ALMS1: variants seen among roughly 807,000 people sequenced by gnomAD.
ALMS1 encodes the protein centrosome-associated protein ALMS1.
Under a neutral mutation model 352.2 loss-of-function variants are expected in ALMS1, and 271 were observed. That is an observed-to-expected ratio of 0.77 (90% confidence interval 0.70 to 0.85). The LOEUF is 0.85. Among genes scored for constraint, ALMS1 ranks in the 40% least tolerant of loss-of-function variants. ALMS1 has a pLI of 0.00. For missense variants in ALMS1, 5,445 were observed against 4,870.7 expected (o/e 1.12, Z -3.51); for synonymous variants, 1,865 against 1,761.2 (o/e 1.06, Z -1.48).
At chr2:73,598,000 C>G (rs962838137) in intron 16 of ALMS1, among the ~76,000 whole-genome samples, 3 of 152,158 alleles carry the variant, frequency 2.0e-5, no homozygotes, top group African/African-American at 7.2e-5. Flanking sequence ...GAAGGAATAG[C>G]CAGCACCAAA....
At chr2:73,520,464 G>T (rs1288142383) in intron 11 of ALMS1, among the ~76,000 whole-genome samples, 2 of 152,154 alleles carry the variant, frequency 1.3e-5, no homozygotes, top group Non-Finnish European at 2.9e-5. Flanking sequence ...AAACACAATA[G>T]CAGTTTATCT....
At chr2:73,552,684 G>A (rs776668335) in intron 13 of ALMS1, among the ~76,000 whole-genome samples, 9 of 152,186 alleles carry the variant, frequency 5.9e-5, no homozygotes, top group Non-Finnish European at 1.3e-4. Flanking sequence ...TTAGTCCTTA[G>A]TAGCCATTTC....
At chr2:73,607,855 G>A (rs1475184904) in intron 21 of ALMS1, among the ~76,000 whole-genome samples, 2 of 150,412 alleles carry the variant, frequency 1.3e-5, no homozygotes, top group African/African-American at 4.9e-5. Context: ...GTAGAGACGG[G>A]CTTTCACCAT....
chr2:73,448,601 G>A lies in ALMS1; in HGVS notation c.2074G>A (p.Ala692Thr). Residue 692 changes from alanine to threonine, a missense_variant, in exon 8 of 23, where the codon GCT (alanine) becomes ACT (threonine). Transcript: ENST00000613296. ...TLPDGHLTDQ[A>T]LKVSAVSGPA... is the part of the protein sequence containing the mutation. ...GCCAGATGGTCATCTAACTGATCAG[G>A]CTCTGAAAGTCTCAGCTGTGTCTGG... 6.2e-7 allele frequency: 1 copy of A among 1,613,300 alleles called. No homozygotes were observed. Among genetic ancestry groups the A allele is most frequent in the African/African-American group, 1.3e-5 (1 of 74,728 alleles).
intron 15 of ALMS1, among the ~76,000 whole-genome samples, chr2:73,565,413 A>G (rs1460200979): frequency 6.6e-6 from 1 of 152,214 alleles, no homozygotes; most frequent in African/African-American, 2.4e-5. Context: ...TAAAATAAAT[A>G]CCTATGAGTC....
rs1572933168 is a variant in ALMS1 at position 73,449,394 on chromosome 2, C to T, written c.2867C>T (p.Ser956Leu). Reference sequence around the variant, plus strand: ...CCAACAGTGTCCTCTAATTCTCACTCACATAGCGAGAAATCTAGTGTTTTC... The same window carrying T: ...CCAACAGTGTCCTCTAATTCTCACTTACATAGCGAGAAATCTAGTGTTTTC... ...GTPTVSSNSH[S>L]HSEKSSVFYQ... The change falls in exon 8 of 23, where the codon TCA (serine) becomes TTA (leucine). Residue 956 changes from serine (S) to leucine (L), a missense_variant. By Grantham distance (145) the Ser-to-Leu change is moderately radical. Transcript: ENST00000613296. 2 of 1,614,078 alleles carry T rather than the reference C, an allele frequency of 1.2e-6. No homozygotes were observed. Among genetic ancestry groups the T allele is most frequent in the Non-Finnish European group, 1.7e-6 (2 of 1,179,940 alleles).
intron 11 of ALMS1, among the ~76,000 whole-genome samples, chr2:73,522,095 C>T (rs886922964): frequency 3.3e-5 from 5 of 152,142 alleles, no homozygotes; most frequent in Admixed American, 2.0e-4. Flanking sequence ...ACTTCTTCCC[C>T]TAGACAGGCA....
At chr2:73,553,835 A>G (rs1448110367) in intron 13 of ALMS1, among the ~76,000 whole-genome samples, 2 of 152,170 alleles carry the variant, frequency 1.3e-5, no homozygotes, top group African/African-American at 4.8e-5. Flanking sequence ...AGATCTTAGT[A>G]TATAGTATAA....
chr2:73,506,102 G>A (rs886748787), intron 10 of ALMS1, among the ~76,000 whole-genome samples: 1 of 152,148 alleles, frequency 6.6e-6, no homozygotes, highest in Non-Finnish European at 1.5e-5. Flanking sequence ...GGTTGTAGAT[G>A]TGTGGTGTTA....
In ALMS1 at chr2:73,448,371, C is replaced by G. The variant is rs2103772444; in HGVS notation, c.1844C>G (p.Ser615Ter). 6.2e-7 allele frequency: 1 copy of G among 1,614,036 alleles called. No individual in the cohort carries two copies. The highest frequency in any genetic ancestry group is 1.7e-5 in the Admixed American group (1 of 60,024). The change falls in exon 8 of 23, where the codon TCA becomes TGA. Residue 615 changes from serine to a stop codon, truncating the protein, a stop_gained. Coordinates refer to ENST00000613296, the MANE Select transcript of ALMS1 (RefSeq NM_001378454.1). LOFTEE classifies it high-confidence loss of function. ...CTAGCTGACCAGACAACTGGCATGT[C>G]AACTCTAACCTCTACTTCCTACTCA... is the stretch of plus-strand genomic sequence containing the variant. Reference protein sequence around the residue: ...PGLADQTTGMSTLTSTSYSHR... With the variant: ...PGLADQTTGM
At chr2:73,434,377 T>C (rs1671567893) in intron 7 of ALMS1, among the ~76,000 whole-genome samples, 1 of 152,240 alleles carries the variant, frequency 6.6e-6, no homozygotes, top group African/African-American at 2.4e-5. Flanking sequence ...ACCCTTTGGT[T>C]ATTTAGGAAT....
chr2:73,565,265 C>T (rs1203470256), intron 15 of ALMS1, among the ~76,000 whole-genome samples: 1 of 151,532 alleles, frequency 6.6e-6, no homozygotes, highest in Non-Finnish European at 1.5e-5. Context: ...TTTGTGGTGC[C>T]AGAAAGTAAA....
intron 9 of ALMS1, among the ~76,000 whole-genome samples, chr2:73,461,885 C>T (rs537677559): frequency 0.034 from 5,205 of 151,642 alleles, 303 homozygotes; most frequent in African/African-American, 0.12. Context: ...TGAAATGAAG[C>T]GAGAAGGGAA....
At position 73,452,361 on chromosome 2, in the gene ALMS1, A is replaced by G; in HGVS notation, c.5834A>G (p.Glu1945Gly). The stretch of plus-strand genomic sequence containing the variant: ...CCTTTAAGTTACTACTCACGTAGAG[A>G]GAAGCCCAGTGTTATCTCTCAACAG... ...TVPLSYYSRR[E>G]KPSVISQQEL... The change falls in exon 8 of 23, where the codon GAG becomes GGG. Residue 1945 changes from glutamate to glycine, a missense_variant. By Grantham distance (98) the Glu-to-Gly change is moderately conservative. Coordinates refer to ENST00000613296, the MANE Select transcript of ALMS1 (RefSeq NM_001378454.1). The G allele has an allele frequency of 6.2e-7, 1 of 1,614,098 alleles. No individual in the cohort carries two copies. Among genetic ancestry groups the G allele is most frequent in the Non-Finnish European group, 8.5e-7 (1 of 1,179,978 alleles).
chr2:73,391,291 A>ATTTTTTTTT (rs1670639813), intron 1 of ALMS1, among the ~76,000 whole-genome samples: 14 of 96,774 alleles, frequency 1.4e-4, no homozygotes, highest in African/African-American at 4.5e-4. Flanking sequence ...TATACGTTTT[A>ATTTTTTTTT]TTCTTTTTTT....
At position 73,452,752 on chromosome 2, in the gene ALMS1, A is replaced by G; in HGVS notation, c.6225A>G (p.Ser2075=). ...AAAGTAAAGGTATTCTAAAGATTTC[A>G]GCTGTCCCTGAACTAACTGATGTGA... ...RDQSKGILKI[S]AVPELTDVNT... is the part of the protein sequence containing the mutation. Residue 2075 remains serine (S), a synonymous_variant, in exon 8 of 23, where the codon TCA becomes TCG. Coordinates refer to ENST00000613296, the MANE Select transcript of ALMS1 (RefSeq NM_001378454.1). 1.2e-6 allele frequency: 2 copies of G among 1,613,478 alleles called. No homozygotes were observed. Among genetic ancestry groups the G allele is most frequent in the Non-Finnish European group, 1.7e-6 (2 of 1,179,902 alleles).
At position 73,403,129 on chromosome 2, in the gene ALMS1, T is replaced by G. The variant is rs562879880; in HGVS notation, c.325-5493T>G. Among the ~76,000 whole-genome samples the G allele has an allele frequency of 8.1e-4, 123 of 152,330 alleles. 2 individuals are homozygous for G. Among genetic ancestry groups the G allele is most frequent in the Admixed American group, 4.3e-3 (65 of 15,292 alleles). ...GCCAAGACAAGTGTCAAGGAGTTTT[T>G]CCCATATATTTTCTTCTAGGTTTAT... is the stretch of plus-strand genomic sequence containing the variant. On this transcript the variant is annotated intron_variant, in intron 1 of 22. Coordinates refer to ENST00000613296, the MANE Select transcript of ALMS1 (RefSeq NM_001378454.1).
At chr2:73,460,128 T>G (rs913441629) in intron 9 of ALMS1, among the ~76,000 whole-genome samples, 1 of 152,156 alleles carries the variant, frequency 6.6e-6, no homozygotes, top group East Asian at 1.9e-4. Flanking sequence ...TTTACTTGTT[T>G]AAACTCCCTT....
At chr2:73,530,719 G>T (rs1673890788) in intron 11 of ALMS1, among the ~76,000 whole-genome samples, 1 of 152,232 alleles carries the variant, frequency 6.6e-6, no homozygotes, top group Non-Finnish European at 1.5e-5. Context: ...TGCCCCTGCA[G>T]CAGACTTCTT....
Sources: allele counts gnomAD v4.1 joint callset (sites outside exome capture counted in the v4.1 genomes callset), GRCh38; gene constraint gnomAD v4.1.1; transcripts MANE v1.5; gene names NCBI Gene and HGNC (gene_info 2026-07-23, HGNC 2026-07-21).